The following KCTD8 variants were observed in gnomAD, a reference collection of about 807,000 sequenced individuals.
The protein encoded by KCTD8 is BTB/POZ domain-containing protein KCTD8.
In KCTD8, 27 loss-of-function variants were observed where a neutral mutation model predicts 31.5. That is an observed-to-expected ratio of 0.86 (90% CI 0.63 to 1.18). The LOEUF is 1.18. Among genes scored for constraint, KCTD8 ranks in the 50% most tolerant of loss-of-function variants. KCTD8 has a pLI of 0.00. For synonymous variants in KCTD8, 290 were observed against 280.0 expected (o/e 1.04, Z -0.36); for missense variants, 658 against 647.7 (o/e 1.02, Z -0.17).
intron 1 of KCTD8, among the ~76,000 whole-genome samples, chr4:44,304,451 C>T (rs1717740496): frequency 6.6e-6 from 1 of 152,172 alleles, no homozygotes; most frequent in Non-Finnish European, 1.5e-5. Flanking sequence ...TGTTGGTTAA[C>T]AATTTCCACA....
At chr4:44,342,387 A>G (rs1231569769) in intron 1 of KCTD8, among the ~76,000 whole-genome samples, 3 of 147,762 alleles carry the variant, frequency 2.0e-5, no homozygotes, top group South Asian at 2.2e-4. Context: ...AAAAAAAAAA[A>G]GAAAGGAATA....
chr4:44,196,999 C>T (rs1713962977), intron 1 of KCTD8, among the ~76,000 whole-genome samples: 1 of 152,144 alleles, frequency 6.6e-6, no homozygotes, highest in African/African-American at 2.4e-5. Context: ...CTGAGCTGCT[C>T]CTAGCCAGGT....
chr4:44,314,044 C>T (rs961311562), intron 1 of KCTD8, among the ~76,000 whole-genome samples: 1 of 152,008 alleles, frequency 6.6e-6, no homozygotes, highest in Non-Finnish European at 1.5e-5. Context: ...GGGAGCTGTA[C>T]AAGAAAGTAA....
intron 1 of KCTD8, among the ~76,000 whole-genome samples, chr4:44,234,794 A>G (rs770609393): frequency 6.6e-6 from 1 of 152,178 alleles, no homozygotes. Context: ...TTACATTCCT[A>G]TGGGAGCCTA....
intron 1 of KCTD8, among the ~76,000 whole-genome samples, chr4:44,344,913 T>A (rs1719000785): frequency 1.3e-5 from 2 of 152,188 alleles, no homozygotes; most frequent in South Asian, 4.1e-4. Flanking sequence ...GAGTAAAGTA[T>A]TCATATTTGT....
chr4:44,330,293 T>G (rs1718563610), intron 1 of KCTD8, among the ~76,000 whole-genome samples: 1 of 151,970 alleles, frequency 6.6e-6, no homozygotes, highest in Non-Finnish European at 1.5e-5. Context: ...ACTATTAGCT[T>G]GAAACCTCAG....
chr4:44,196,183 C>G (rs1358092925), intron 1 of KCTD8, among the ~76,000 whole-genome samples: 6 of 152,164 alleles, frequency 3.9e-5, no homozygotes, highest in Non-Finnish European at 8.8e-5. Flanking sequence ...CTCTTTCTTA[C>G]TCATCATTAT....
At position 44,206,026 on chromosome 4, in the gene KCTD8, G is replaced by A. The variant is rs1041786751; in HGVS notation, c.962-30776C>T. On this transcript the variant is annotated intron_variant, in intron 1 of 1. Coordinates refer to ENST00000360029, the MANE Select transcript of KCTD8 (RefSeq NM_198353.3). ...AAGAAACACATCAATCTAATAATGA[G>A]GGTCCCTCTAGGGAAAAGAGCCTGG... 2.0e-4 allele frequency among the ~76,000 whole-genome samples: 30 copies of A among 152,092 alleles called. 1 individual carries two copies. Among genetic ancestry groups the A allele is most frequent in the Non-Finnish European group, 5.9e-5 (4 of 68,010 alleles).
At chr4:44,348,664 C>T (rs1277525574) in intron 1 of KCTD8, among the ~76,000 whole-genome samples, 1 of 152,098 alleles carries the variant, frequency 6.6e-6, no homozygotes, top group Non-Finnish European at 1.5e-5. Context: ...ATGTGTTGAA[C>T]ATCATTAAAG....
intron 1 of KCTD8, among the ~76,000 whole-genome samples, chr4:44,360,203 G>C (rs1280884575): frequency 6.6e-6 from 1 of 151,792 alleles, no homozygotes. Flanking sequence ...ATAATGAAAA[G>C]GCAGATTACC....
At chr4:44,398,674 C>A (rs1260949230) in intron 1 of KCTD8, among the ~76,000 whole-genome samples, 3 of 152,170 alleles carry the variant, frequency 2.0e-5, no homozygotes, top group Non-Finnish European at 4.4e-5. Context: ...ACTCATTTCA[C>A]AGCTGATTTC....
At chr4:44,283,680 C>A (rs1309683712) in intron 1 of KCTD8, among the ~76,000 whole-genome samples, 2 of 152,006 alleles carry the variant, frequency 1.3e-5, no homozygotes, top group East Asian at 3.9e-4. Flanking sequence ...AAAAAGATTC[C>A]TTTCAAAATA....
intron 1 of KCTD8, among the ~76,000 whole-genome samples, chr4:44,222,059 G>A (rs2109348466): frequency 6.6e-6 from 1 of 152,188 alleles, no homozygotes; most frequent in East Asian, 1.9e-4. Flanking sequence ...GTAATGTACT[G>A]GATCTATTTA....
intron 1 of KCTD8, among the ~76,000 whole-genome samples, chr4:44,420,543 T>C (rs149497760): frequency 4.4e-4 from 67 of 152,318 alleles, no homozygotes; most frequent in African/African-American, 1.6e-3. Context: ...GAGAAGTTTA[T>C]TTGCAATAAT....
chr4:44,186,130 A>T (rs1378037805), intron 1 of KCTD8, among the ~76,000 whole-genome samples: 1 of 152,174 alleles, frequency 6.6e-6, no homozygotes, highest in Admixed American at 6.5e-5. Flanking sequence ...CAGACACAAG[A>T]GGCTGGACAT....
intron 1 of KCTD8, among the ~76,000 whole-genome samples, chr4:44,342,697 G>C (rs1217403487): frequency 1.3e-5 from 2 of 152,218 alleles, no homozygotes; most frequent in Admixed American, 1.3e-4. Flanking sequence ...ATAGAAGGCT[G>C]TTTTCTACAT....
chr4:44,431,696 T>C (rs1721511156), intron 1 of KCTD8, among the ~76,000 whole-genome samples: 1 of 151,646 alleles, frequency 6.6e-6, no homozygotes, highest in Non-Finnish European at 1.5e-5. Flanking sequence ...CAGAAATACA[T>C]GGCATTTTTC....
At chr4:44,347,350 T>A (rs1464457416) in intron 1 of KCTD8, among the ~76,000 whole-genome samples, 1 of 152,158 alleles carries the variant, frequency 6.6e-6, no homozygotes, top group Non-Finnish European at 1.5e-5. Context: ...ATATTACCAA[T>A]GTGGCACAAA....
chr4:44,255,352 T>C (rs2109363220), intron 1 of KCTD8, among the ~76,000 whole-genome samples: 1 of 152,032 alleles, frequency 6.6e-6, no homozygotes, highest in East Asian at 1.9e-4. Context: ...CATGTCTCAA[T>C]ATAGTTATAA....
Sources: gnomAD v4.1 joint callset for allele counts (sites outside exome capture counted in the v4.1 genomes callset) on GRCh38, gnomAD v4.1.1 for gene constraint, MANE v1.5 for transcripts, NCBI Gene and HGNC (gene_info 2026-07-23, HGNC 2026-07-21) for gene names.